The following WNT7A variants were observed in gnomAD, a reference collection of about 807,000 sequenced individuals.
The protein encoded by WNT7A is protein Wnt-7a.
A neutral mutation model predicts 28.2 loss-of-function variants in WNT7A; 16 were observed. The observed-to-expected ratio is 0.57, with a 90% CI of 0.38 to 0.86. The LOEUF (loss-of-function observed/expected upper bound fraction) is 0.86. WNT7A is among the 40% of genes least tolerant of loss of function. The pLI is 0.00. For missense variants in WNT7A, 411 were observed against 489.7 expected (o/e 0.84, Z 1.52); for synonymous variants, 190 against 195.9 (o/e 0.97, Z 0.25).
At chr3:13,832,070 C>G (rs1032216301) in intron 3 of WNT7A, among the ~76,000 whole-genome samples, 1 of 151,992 alleles carries the variant, frequency 6.6e-6, no homozygotes, top group African/African-American at 2.4e-5. Flanking sequence ...CACCTGCTCC[C>G]CTCCTGTTCC....
intron 2 of WNT7A, among the ~76,000 whole-genome samples, chr3:13,871,239 C>G (rs1695022056): frequency 6.6e-6 from 1 of 152,154 alleles, no homozygotes; most frequent in African/African-American, 2.4e-5. Flanking sequence ...GGCCACAGCT[C>G]CAAAGGCCAG....
At chr3:13,875,652 TA>T (rs569112172) in intron 1 of WNT7A, among the ~76,000 whole-genome samples, 9 of 152,248 alleles carry the variant, frequency 5.9e-5, no homozygotes, top group South Asian at 4.2e-4. Flanking sequence ...AGATGTTCAT[TA>T]AAAAAATCTG....
In WNT7A at chr3:13,816,931, A is replaced by T. The variant is rs1694013113; in HGVS notation, c.*2013T>A. ...CCTTCACATGCCCACTCCTCCAGAC[A>T]CCCAAGTAAAAGAAAAATGGAAAAA... On this transcript the variant is annotated 3_prime_UTR_variant, in exon 4 of 4. Transcript: ENST00000285018. 1 of 152,020 alleles carries T rather than the reference A, an allele frequency of 6.6e-6. No homozygotes were observed. The highest frequency in any genetic ancestry group is 6.6e-5 in the Admixed American group (1 of 15,264). The allele number at this position is 152,020 out of a possible 1,614,324, so 9.4% of individuals were successfully genotyped here.
chr3:13,872,001 C>T (rs1453476997), intron 2 of WNT7A, among the ~76,000 whole-genome samples: 7 of 152,102 alleles, frequency 4.6e-5, no homozygotes, highest in South Asian at 4.1e-4. Flanking sequence ...CCCCCAAGCA[C>T]GTTCCACCTC....
intron 3 of WNT7A, among the ~76,000 whole-genome samples, chr3:13,849,020 T>C (rs1013727668): frequency 6.6e-6 from 1 of 152,240 alleles, no homozygotes; most frequent in African/African-American, 2.4e-5. Context: ...GACCCACCTA[T>C]GTAACATCGT....
rs796449821 is a variant in WNT7A at position 13,858,633 on chromosome 3, C to A, written c.299-3830G>T. The stretch of plus-strand genomic sequence containing the variant: ...GCCCAGAGTGAGGTCTCATCAAGTG[C>A]CATGGCCTTCCCCTCCCCACCAAGC... On this transcript the variant is annotated intron_variant, in intron 2 of 3. Coordinates refer to ENST00000285018, the MANE Select transcript of WNT7A (RefSeq NM_004625.4). Among the ~76,000 whole-genome samples the A allele has an allele frequency of 2.9e-4, 44 of 152,246 alleles. 1 individual carries two copies. The highest frequency in any genetic ancestry group is 1.1e-3 in the African/African-American group (44 of 41,536).
chr3:13,819,528 G>A (rs974629375), intron 3 of WNT7A, 105 bp from the exon 4 acceptor site: 3 of 1,428,178 alleles, frequency 2.1e-6, no homozygotes, highest in East Asian at 2.5e-5. Context: ...ACCTATCTGG[G>A]TCTGGCTTTA....
intron 1 of WNT7A, chr3:13,877,113 C>A (rs1559310006): frequency 1.6e-5 from 2 of 125,858 alleles, no homozygotes; most frequent in African/African-American, 7.8e-5. Flanking sequence ...ATGGCAGGTG[C>A]CCCCCAAATA....
At chr3:13,879,664 G>C (rs1183983396) in intron 1 of WNT7A, 82 bp downstream of exon 1, 2 of 1,493,340 alleles carry the variant, frequency 1.3e-6, no homozygotes, top group Non-Finnish European at 9.1e-7. Flanking sequence ...GGCCGGCAGA[G>C]GCTCGCAGGC....
chr3:13,822,585 TG>T (rs1270888170), intron 3 of WNT7A, among the ~76,000 whole-genome samples: 1 of 152,192 alleles, frequency 6.6e-6, no homozygotes, highest in Non-Finnish European at 1.5e-5. Flanking sequence ...TGGTGGCTAA[TG>T]GGTACGGGTT....
chr3:13,853,413 C>T (rs1175357595), intron 3 of WNT7A, among the ~76,000 whole-genome samples: 1 of 152,234 alleles, frequency 6.6e-6, no homozygotes, highest in Non-Finnish European at 1.5e-5. Flanking sequence ...TCGGCCCCAA[C>T]CTGCAGGGGT....
intron 3 of WNT7A, among the ~76,000 whole-genome samples, chr3:13,834,854 C>T (rs1694340911): frequency 6.6e-6 from 1 of 152,238 alleles, no homozygotes; most frequent in South Asian, 2.1e-4. Context: ...ATGTCTCCCT[C>T]CAGCATGTCA....
chr3:13,818,969 C>T lies in WNT7A; in HGVS notation c.1025G>A (p.Arg342His), dbSNP rs1172856724. 2 of 1,589,966 alleles carry T rather than the reference C, an allele frequency of 1.3e-6. No individual in the cohort carries two copies. Among genetic ancestry groups the T allele is most frequent in the Non-Finnish European group, 1.7e-6 (2 of 1,163,772 alleles). Residue 342 changes from arginine (R) to histidine (H), a missense_variant, in exon 4 of 4, where the codon CGC becomes CAC. By Grantham distance (29) the Arg-to-His change is conservative. Coordinates refer to ENST00000285018, the MANE Select transcript of WNT7A (RefSeq NM_004625.4). ...CYVKCNTCSE[R>H]TEMYTCK ...TCACTTGCACGTGTACATCTCCGTG[C>T]GCTCGCTGCACGTGTTGCACTTGAC...
intron 3 of WNT7A, among the ~76,000 whole-genome samples, chr3:13,853,102 A>AGAACTAT (rs3044861): frequency 6.6e-6 from 1 of 151,348 alleles, no homozygotes; most frequent in Non-Finnish European, 1.5e-5. Context: ...CTTCTGCCCC[A>AGAACTAT]CAGTGGCTCC....
chr3:13,845,914 T>C (rs1169702631), intron 3 of WNT7A, among the ~76,000 whole-genome samples: 2 of 152,188 alleles, frequency 1.3e-5, no homozygotes, highest in Non-Finnish European at 2.9e-5. Context: ...GCTGAACAAG[T>C]CCAGAACTCT....
rs1224997673 is a variant in WNT7A, at chr3:13,880,053, G to A, written c.-237C>T. 5 of 345,708 alleles carry A rather than the reference G, an allele frequency of 1.4e-5. No homozygotes were observed. Among genetic ancestry groups the A allele is most frequent in the African/African-American group, 1.1e-4 (5 of 46,560 alleles). 21.4% of individuals were successfully genotyped at this position (345,708 alleles called of 1,614,324 possible). On this transcript the variant is annotated 5_prime_UTR_variant, in exon 1 of 4. Transcript: ENST00000285018. ...CGTGGGGCGACGCCGGGCTGCGCGC[G>A]AGCGACCGGTGCAAGTGTGCGAGAC...
chr3:13,844,032 C>G (rs1575065495), intron 3 of WNT7A, among the ~76,000 whole-genome samples: 1 of 152,132 alleles, frequency 6.6e-6, no homozygotes, highest in African/African-American at 2.4e-5. Context: ...TAGGCGGGAG[C>G]CACCGTGCCT....
At chr3:13,852,201 C>T (rs760946826) in intron 3 of WNT7A, among the ~76,000 whole-genome samples, 2 of 152,236 alleles carry the variant, frequency 1.3e-5, no homozygotes, top group South Asian at 4.1e-4. Flanking sequence ...ATGGTGCACC[C>T]CCCCACCCCA....
chr3:13,854,163 A>G (rs931719916), intron 3 of WNT7A, among the ~76,000 whole-genome samples: 3 of 149,422 alleles, frequency 2.0e-5, no homozygotes, highest in Non-Finnish European at 4.5e-5. Flanking sequence ...GAAGGGAAGG[A>G]GGGACGGAGG....
Sources: gnomAD v4.1 joint callset for allele counts (sites outside exome capture counted in the v4.1 genomes callset) on GRCh38, gnomAD v4.1.1 for gene constraint, MANE v1.5 for transcripts, NCBI Gene and HGNC (gene_info 2026-07-23, HGNC 2026-07-21) for gene names.